Variants in FAM91A1 observed in about 807,000 individuals in gnomAD.
FAM91A1 encodes protein FAM91A1.
In FAM91A1, 41 loss-of-function variants were observed where a neutral mutation model predicts 113.5. That is an observed-to-expected ratio of 0.36 (90% confidence interval 0.28 to 0.47). The LOEUF (loss-of-function observed/expected upper bound fraction) is 0.47, where lower values mean the gene tolerates loss of function less well. Ranked by LOEUF, FAM91A1 falls within the 20% of genes least tolerant of loss-of-function variation. The pLI, the probability that FAM91A1 is intolerant of heterozygous loss-of-function variation, is 1.00. For missense variants in FAM91A1, 696 were observed against 1,001.2 expected, an observed-to-expected ratio of 0.70 and a Z score of 4.11; for synonymous variants, 307 against 347.9, an observed-to-expected ratio of 0.88 and a Z score of 1.31.
intron 23 of FAM91A1, 52 bp downstream of exon 23, chr8:123,810,403 CACA>C: frequency 6.8e-7 from 1 of 1,461,318 alleles, no homozygotes; most frequent in African/African-American, 1.4e-5. Flanking sequence ...TTTAAGTATG[CACA>C]ACACTTCTGT....
intron 14 of FAM91A1, among the ~76,000 whole-genome samples, 183 bp from the exon 15 acceptor site, chr8:123,789,430 C>T (rs1815330355): frequency 1.3e-5 from 2 of 152,138 alleles, no homozygotes; most frequent in African/African-American, 4.8e-5. Context: ...TTTCTATCTC[C>T]ATAGATGTAG....
Position 123,784,507 on chromosome 8 carries a change from A to G in FAM91A1, c.741A>G (p.Gln247=). 6.2e-7 allele frequency: 1 copy of G among 1,607,322 alleles called. No individual in the cohort carries two copies. Among genetic ancestry groups the G allele is most frequent in the South Asian group, 1.1e-5 (1 of 89,012 alleles). The change falls in exon 9 of 24, where the codon CAA becomes CAG. Residue 247 remains glutamine (Q), a synonymous_variant. Transcript: ENST00000334705. ...PLEGFVMNRV[Q]GDYFETLLYK... ...AAGGTTTTGTAATGAATCGAGTGCA[A>G]GGTGATTATTTTGAAACTCTACTCT...
intron 4 of FAM91A1, 59 bp from the exon 5 acceptor site, chr8:123,777,966 A>T: frequency 7.0e-7 from 1 of 1,429,744 alleles, no homozygotes. Flanking sequence ...ATCGCTTGTG[A>T]ACATATTGAG....
intron 16 of FAM91A1, among the ~76,000 whole-genome samples, chr8:123,798,753 G>A (rs1815605329): frequency 6.6e-6 from 1 of 152,156 alleles, no homozygotes; most frequent in South Asian, 2.1e-4. Context: ...TTTTCAGAGT[G>A]GGGATTATGT....
chr8:123,786,199 A>G (rs961410085), intron 11 of FAM91A1: 1 of 332,350 alleles, frequency 3.0e-6, no homozygotes, highest in South Asian at 4.2e-5. Flanking sequence ...TGTGTTACAG[A>G]TCTTTTTTGG....
At chr8:123,777,593 C>T (rs1404215786) in intron 4 of FAM91A1, among the ~76,000 whole-genome samples, 1 of 152,140 alleles carries the variant, frequency 6.6e-6, no homozygotes, top group African/African-American at 2.4e-5. Flanking sequence ...CTTTCTGATA[C>T]TTGGGCTGTG....
chr8:123,785,919 G>A (rs575473068), intron 11 of FAM91A1, 178 bp downstream of exon 11: 5 of 487,048 alleles, frequency 1.0e-5, no homozygotes, highest in African/African-American at 1.0e-4. Context: ...CCCGTTTCAA[G>A]CGATTTTCAT....
chr8:123,774,454 A>G lies in FAM91A1; in HGVS notation c.157+290A>G, dbSNP rs546356979. Among the ~76,000 whole-genome samples, 11 of 152,278 alleles carry G rather than the reference A, an allele frequency of 7.2e-5. No individual in the cohort carries two copies. The South Asian group carries it at 2.1e-3, about 29-fold the overall frequency. ...TGCCTGAGGTAAGAAAATATGCCAT[A>G]AAAGAAAAAGTATATTAGTTCTTAG... On this transcript the variant is annotated intron_variant, in intron 2 of 23. Coordinates refer to ENST00000334705, the MANE Select transcript of FAM91A1 (RefSeq NM_144963.4).
intron 20 of FAM91A1, among the ~76,000 whole-genome samples, chr8:123,807,263 G>A (rs1275494589): frequency 1.3e-5 from 2 of 151,986 alleles, no homozygotes; most frequent in Non-Finnish European, 2.9e-5. Context: ...ATTTCAAAGC[G>A]TATCTACTAC....
chr8:123,770,055 C>T (rs901359305), intron 1 of FAM91A1, among the ~76,000 whole-genome samples: 3 of 152,112 alleles, frequency 2.0e-5, no homozygotes, highest in South Asian at 2.1e-4. Context: ...TGGGTTCAAG[C>T]GATTCTCCTG....
At chr8:123,784,773 G>T in intron 9 of FAM91A1, 197 bp downstream of exon 9, 1 of 432,792 alleles carries the variant, frequency 2.3e-6, no homozygotes, top group Non-Finnish European at 3.9e-6. Flanking sequence ...TTATAGTTTG[G>T]TTAACTTTTT....
At chr8:123,804,548 C>G (rs935638402) in intron 18 of FAM91A1, among the ~76,000 whole-genome samples, 8 of 150,686 alleles carry the variant, frequency 5.3e-5, no homozygotes, top group Non-Finnish European at 1.2e-4. Context: ...AGTATCACTC[C>G]CCTGCTAACC....
intron 21 of FAM91A1, 134 bp downstream of exon 21, chr8:123,808,510 T>A: frequency 1.8e-6 from 1 of 558,050 alleles, no homozygotes; most frequent in Non-Finnish European, 3.0e-6. Flanking sequence ...CTAGGAAGCC[T>A]TTTTACATAC....
intron 18 of FAM91A1, among the ~76,000 whole-genome samples, chr8:123,800,656 A>G (rs117689696): frequency 6.6e-6 from 1 of 152,008 alleles, no homozygotes; most frequent in Non-Finnish European, 1.5e-5. Context: ...TTTAGTGATC[A>G]CTCTTCTATT....
Position 123,768,554 on chromosome 8 carries a change from G to C in FAM91A1, c.-149G>C. 3.2e-6 allele frequency: 2 copies of C among 623,386 alleles called. No homozygotes were observed. The highest frequency in any genetic ancestry group is 2.7e-6 in the Non-Finnish European group (1 of 372,798). 38.6% of individuals were successfully genotyped at this position (623,386 alleles called of 1,614,324 possible). On this transcript the variant is annotated 5_prime_UTR_variant, in exon 1 of 24. Transcript: ENST00000334705. Reference sequence around the variant, plus strand: ...GGCCCGGGCGGCGCTGAACTGTCGGGAGCCTAGGCCATGGGGCAGCCTGGG... The same window carrying C: ...GGCCCGGGCGGCGCTGAACTGTCGGCAGCCTAGGCCATGGGGCAGCCTGGG...
rs748246139 is a variant in FAM91A1, at chr8:123,805,328, A to G, written c.1871A>G (p.Glu624Gly). 8 of 1,611,696 alleles carry G rather than the reference A, an allele frequency of 5.0e-6. No individual in the cohort carries two copies. The highest frequency in any genetic ancestry group is 5.9e-6 in the Non-Finnish European group (7 of 1,179,058). Reference sequence around the variant, plus strand: ...GTCCCATTTCCATTTGATGAAACAGAACTACAAGGAGGTACCTTTTGAATT... The same window carrying G: ...GTCCCATTTCCATTTGATGAAACAGGACTACAAGGAGGTACCTTTTGAATT... Reference protein sequence around the residue: ...VHVPFPFDETELQGEFTRVNM... With the variant: ...VHVPFPFDETGLQGEFTRVNM... The change falls in exon 19 of 24, where the codon GAA becomes GGA. Residue 624 changes from glutamate (E) to glycine (G), a missense_variant. Glu to Gly is a moderately conservative substitution (Grantham distance 98). Transcript: ENST00000334705.
chr8:123,807,989 A>G (rs75927923), intron 20 of FAM91A1, among the ~76,000 whole-genome samples: 1 of 152,282 alleles, frequency 6.6e-6, no homozygotes, highest in East Asian at 1.9e-4. Flanking sequence ...TCTCAGCACT[A>G]TGTGCAGTTT....
intron 20 of FAM91A1, among the ~76,000 whole-genome samples, chr8:123,807,480 C>CAAAAAAAAAAAAAAAA (rs546080328): frequency 1.0e-4 from 6 of 58,882 alleles, no homozygotes; most frequent in Non-Finnish European, 2.1e-4. Context: ...CCTGTCTCTA[C>CAAAAAAAAAAAAAAAA]AAAAAAAAAA....
intron 15 of FAM91A1, among the ~76,000 whole-genome samples, chr8:123,791,211 CT>C (rs2130106243): frequency 6.6e-6 from 1 of 151,700 alleles, no homozygotes; most frequent in South Asian, 2.1e-4. Context: ...GCTAAATCTT[CT>C]GCTTGTTTTT....
Sources: allele counts gnomAD v4.1 joint callset (sites outside exome capture counted in the v4.1 genomes callset), GRCh38; gene constraint gnomAD v4.1.1; transcripts MANE v1.5; gene names NCBI Gene and HGNC (gene_info 2026-07-23, HGNC 2026-07-21).